The following PHF21A variants were observed in gnomAD, a reference collection of about 807,000 sequenced individuals.
PHF21A encodes PHD finger protein 21A.
A neutral mutation model predicts 82.5 loss-of-function variants in PHF21A; 11 were observed. The ratio of observed to expected loss-of-function variants is 0.13; its 90% CI spans 0.08 to 0.22. PHF21A has a LOEUF of 0.22. Ranked by LOEUF, PHF21A falls within the 10% of genes least tolerant of loss-of-function variation. The probability of loss-of-function intolerance (pLI) is 1.00; values close to 1 mark genes in which losing one functional copy is unlikely to be tolerated. For synonymous variants in PHF21A, 297 were observed against 302.8 expected (o/e 0.98, Z 0.20); for missense variants, 579 against 837.8 (o/e 0.69, Z 3.81).
At chr11:46,033,697 C>G (rs2095917739) in intron 6 of PHF21A, among the ~76,000 whole-genome samples, 1 of 152,288 alleles carries the variant, frequency 6.6e-6, no homozygotes, top group African/African-American at 2.4e-5. Context: ...CTATTGAGCA[C>G]TTAAAATATG....
At chr11:46,008,711 A>G (rs1422372662) in intron 6 of PHF21A, among the ~76,000 whole-genome samples, 2 of 152,182 alleles carry the variant, frequency 1.3e-5, no homozygotes, top group Non-Finnish European at 2.9e-5. Context: ...GAAAATAATA[A>G]TATATGTTTT....
intron 6 of PHF21A, among the ~76,000 whole-genome samples, chr11:46,009,981 C>G (rs947179966): frequency 6.6e-6 from 1 of 152,168 alleles, no homozygotes; most frequent in Non-Finnish European, 1.5e-5. Context: ...ATTTGTTCAG[C>G]TTCTAACAAA....
intron 1 of PHF21A, among the ~76,000 whole-genome samples, chr11:46,099,322 T>G (rs1593208571): frequency 6.6e-6 from 1 of 152,292 alleles, no homozygotes. Context: ...AGAAAACTCC[T>G]GCTGCATCGA....
At position 45,965,468 on chromosome 11, in the gene PHF21A, G is replaced by A. The variant is rs937612953; in HGVS notation, c.843C>T (p.Ser281=). The A allele has an allele frequency of 6.2e-7, 1 of 1,614,062 alleles. No individual in the cohort carries two copies. Among genetic ancestry groups the A allele is most frequent in the Non-Finnish European group, 8.5e-7 (1 of 1,180,010 alleles). Residue 281 remains serine (S), a synonymous_variant, in exon 10 of 19, where the codon TCC becomes TCT. Transcript: ENST00000676320. ...TPTTLPTSQN[S]IHPVRVVNGQ... is the part of the protein sequence containing the mutation. ...CATTGACGACACGGACGGGGTGGAT[G>A]GAATTCTGGGATGTGGGAAGGGTTG...
intron 6 of PHF21A, among the ~76,000 whole-genome samples, chr11:46,017,620 C>T (rs1455943921): frequency 6.6e-6 from 1 of 151,200 alleles, no homozygotes. Flanking sequence ...CTCAAAAAAA[C>T]CAAACTGGAA....
At chr11:46,007,858 T>C (rs2095331688) in intron 6 of PHF21A, among the ~76,000 whole-genome samples, 1 of 152,238 alleles carries the variant, frequency 6.6e-6, no homozygotes, top group Non-Finnish European at 1.5e-5. Context: ...CTTTTCCATC[T>C]TACTCCTAAG....
chr11:46,045,271 T>C (rs551281485), intron 6 of PHF21A, among the ~76,000 whole-genome samples: 1 of 152,322 alleles, frequency 6.6e-6, no homozygotes, highest in South Asian at 2.1e-4. Context: ...TGTGTGTTTA[T>C]TTCTTTTTCC....
chr11:46,019,219 C>A (rs561008257), intron 6 of PHF21A, among the ~76,000 whole-genome samples: 3 of 151,720 alleles, frequency 2.0e-5, no homozygotes, highest in African/African-American at 4.8e-5. Flanking sequence ...CTTTTTAATT[C>A]TTTCTAGAAG....
intron 6 of PHF21A, among the ~76,000 whole-genome samples, chr11:46,048,124 T>C (rs1565722760): frequency 6.6e-6 from 1 of 152,182 alleles, no homozygotes; most frequent in African/African-American, 2.4e-5. Flanking sequence ...TCTGTGACAT[T>C]AGTAGTCACT....
intron 4 of PHF21A, among the ~76,000 whole-genome samples, chr11:46,083,882 C>T (rs960298792): frequency 6.6e-6 from 1 of 151,958 alleles, no homozygotes; most frequent in Non-Finnish European, 1.5e-5. Flanking sequence ...TTCAGATGAA[C>T]CAAAAAGCAG....
chr11:46,094,984 T>C (rs761850741), intron 1 of PHF21A, among the ~76,000 whole-genome samples: 12 of 152,194 alleles, frequency 7.9e-5, no homozygotes, highest in Non-Finnish European at 1.5e-4. Flanking sequence ...CTTCCTACTA[T>C]ATGCTAAATT....
chr11:45,988,519 A>T (rs1051875839), intron 6 of PHF21A, among the ~76,000 whole-genome samples: 4 of 152,214 alleles, frequency 2.6e-5, no homozygotes, highest in Admixed American at 6.5e-5. Context: ...TCTTAATATC[A>T]CACTCTTGAT....
chr11:45,966,545 C>T (rs1285256095), intron 9 of PHF21A, among the ~76,000 whole-genome samples: 1 of 152,188 alleles, frequency 6.6e-6, no homozygotes, highest in Non-Finnish European at 1.5e-5. Context: ...AATCCTAGTT[C>T]TACCACTCAC....
chr11:46,114,792 G>A (rs10838567), intron 1 of PHF21A, among the ~76,000 whole-genome samples: 22,850 of 152,120 alleles, frequency 0.15, 3,650 homozygotes, highest in East Asian at 0.58. Flanking sequence ...ACTTGGATCT[G>A]CAGCAGAAAA....
At chr11:46,022,949 C>T (rs1229763710) in intron 6 of PHF21A, among the ~76,000 whole-genome samples, 4 of 152,122 alleles carry the variant, frequency 2.6e-5, no homozygotes, top group Admixed American at 2.0e-4. Flanking sequence ...TAGGGTTTCG[C>T]CATCTTGGCC....
At position 46,039,473 on chromosome 11, in the gene PHF21A, C is replaced by T. The variant is rs535843117; in HGVS notation, c.153+37281G>A. ...TGAGAATAGTCAGGTAAGTACAGGG[C>T]CCACCTTGAAGGAGGTAGCTCACCA... On this transcript the variant is annotated intron_variant, in intron 6 of 18. Coordinates refer to ENST00000676320, the MANE Select transcript of PHF21A (RefSeq NM_001352027.3). 5.9e-5 allele frequency among the ~76,000 whole-genome samples: 9 copies of T among 152,232 alleles called. No individual in the cohort carries two copies. In the East Asian group the frequency reaches 1.7e-3, roughly 29 times the overall value.
chr11:46,011,978 T>C (rs993406231), intron 6 of PHF21A, among the ~76,000 whole-genome samples: 2 of 152,236 alleles, frequency 1.3e-5, no homozygotes, highest in Non-Finnish European at 2.9e-5. Flanking sequence ...TCCAGATGAC[T>C]ATCACCTTCT....
At chr11:45,988,759 G>A (rs895975235) in intron 6 of PHF21A, among the ~76,000 whole-genome samples, 1 of 152,000 alleles carries the variant, frequency 6.6e-6, no homozygotes, top group Non-Finnish European at 1.5e-5. Flanking sequence ...GCATGGTGGT[G>A]GCACAATTGT....
chr11:45,997,090 C>T (rs761250900), intron 6 of PHF21A, among the ~76,000 whole-genome samples: 1 of 152,172 alleles, frequency 6.6e-6, no homozygotes, highest in Non-Finnish European at 1.5e-5. Context: ...TAATAAGACG[C>T]TTAGTATTTC....
Sources: gnomAD v4.1 joint callset for allele counts (sites outside exome capture counted in the v4.1 genomes callset) on GRCh38, gnomAD v4.1.1 for gene constraint, MANE v1.5 for transcripts, NCBI Gene and HGNC (gene_info 2026-07-23, HGNC 2026-07-21) for gene names.